The following HDAC9 variants were observed in gnomAD, a reference collection of about 807,000 sequenced individuals.
HDAC9 encodes MEF-2 interacting transcription repressor (MITR) protein.
HDAC9 carries 41 observed loss-of-function variants against 139.4 expected under a neutral mutation model. That is an observed-to-expected ratio of 0.29 (90% confidence interval 0.23 to 0.38). The LOEUF is 0.38. Ranked by LOEUF, HDAC9 falls within the 10% of genes least tolerant of loss-of-function variation. The probability of loss-of-function intolerance (pLI) is 1.00; values close to 1 mark genes in which losing one functional copy is unlikely to be tolerated. For synonymous variants in HDAC9, 517 were observed against 476.2 expected, an observed-to-expected ratio of 1.09 and a Z score of -1.12; for missense variants, 1,147 against 1,297.0, an observed-to-expected ratio of 0.88 and a Z score of 1.78.
chr7:18,192,374 T>C (rs2128151509), intron 2 of HDAC9, among the ~76,000 whole-genome samples: 1 of 152,290 alleles, frequency 6.6e-6, no homozygotes, highest in Non-Finnish European at 1.5e-5. Context: ...CACTTTGTTA[T>C]GGATAAAAGG....
upstream of HDAC9, among the ~76,000 whole-genome samples, chr7:18,490,918 G>A (rs1426385183): frequency 6.6e-6 from 1 of 152,004 alleles, no homozygotes; most frequent in Non-Finnish European, 1.5e-5. Flanking sequence ...CAATTGTAGA[G>A]CACAAATTCG....
chr7:18,810,979 C>T (rs1794128689), intron 17 of HDAC9, among the ~76,000 whole-genome samples: 1 of 151,740 alleles, frequency 6.6e-6, no homozygotes, highest in African/African-American at 2.4e-5. Context: ...ATTTTTATTT[C>T]ATGTGGGTAA....
chr7:18,879,567 CTCCCTATTCAATAAATGGTACTGAGA>C (rs1275234923), intron 22 of HDAC9, among the ~76,000 whole-genome samples: 2 of 152,010 alleles, frequency 1.3e-5, no homozygotes, highest in East Asian at 3.9e-4. Context: ...GGGGAGAAGA[CTCCCTATTCAATAAATGGTACTGAGA>C]TAACTCGCTA....
chr7:18,490,300 A>G (rs184580690), intron 1 of HDAC9, among the ~76,000 whole-genome samples: 2 of 152,132 alleles, frequency 1.3e-5, no homozygotes, highest in East Asian at 1.9e-4. Context: ...TTGCACTTCT[A>G]GCAAGTTCCC....
At chr7:18,634,576 C>A in intron 7 of HDAC9, 51 bp from the exon 8 acceptor site, 1 of 1,100,972 alleles carries the variant, frequency 9.1e-7, no homozygotes. Flanking sequence ...AACTAAAGTT[C>A]ATCTATGTAT....
intron 1 of HDAC9, among the ~76,000 whole-genome samples, chr7:18,124,303 G>C (rs1301856914): frequency 6.6e-6 from 1 of 152,162 alleles, no homozygotes; most frequent in Non-Finnish European, 1.5e-5. Context: ...CCTAGGGCAA[G>C]GGCAAGGTCA....
chr7:18,236,936 G>A (rs181691034), intron 2 of HDAC9, among the ~76,000 whole-genome samples: 50 of 152,238 alleles, frequency 3.3e-4, no homozygotes, highest in African/African-American at 2.4e-5. Context: ...TAGTGCTACC[G>A]ACTCATCCCA....
At chr7:18,979,981 G>A (rs1239042581) in intron 25 of HDAC9, among the ~76,000 whole-genome samples, 2 of 152,084 alleles carry the variant, frequency 1.3e-5, no homozygotes, top group Non-Finnish European at 2.9e-5. Context: ...TATATTAGCA[G>A]GCAAATTTTT....
At chr7:18,819,091 C>T (rs745779108) in intron 17 of HDAC9, among the ~76,000 whole-genome samples, 11 of 152,022 alleles carry the variant, frequency 7.2e-5, no homozygotes, top group Non-Finnish European at 1.3e-4. Context: ...ACCAGCCTGG[C>T]CAACATGGCA....
chr7:18,396,390 G>T (rs1388300429), intron 1 of HDAC9, among the ~76,000 whole-genome samples: 1 of 152,112 alleles, frequency 6.6e-6, no homozygotes, highest in Non-Finnish European at 1.5e-5. Flanking sequence ...AGGGTGGAGG[G>T]ATAGTATAGA....
intron 2 of HDAC9, among the ~76,000 whole-genome samples, chr7:18,205,097 T>C (rs1791403587): frequency 6.6e-6 from 1 of 151,964 alleles, no homozygotes; most frequent in South Asian, 2.1e-4. Flanking sequence ...GTATATGGCA[T>C]ACATTTTGAT....
At chr7:18,728,592 C>G (rs146277355) in intron 13 of HDAC9, among the ~76,000 whole-genome samples, 8 of 152,340 alleles carry the variant, frequency 5.3e-5, no homozygotes, top group Admixed American at 2.0e-4. Context: ...CTAAGAGACT[C>G]ATAACTTGGA....
chr7:18,911,726 A>T (rs1802758849), intron 22 of HDAC9, among the ~76,000 whole-genome samples: 1 of 151,490 alleles, frequency 6.6e-6, no homozygotes, highest in African/African-American at 2.4e-5. Context: ...GAATTTTTTA[A>T]ATTTCCTTTT....
At chr7:18,823,026 C>G (rs954125170) in intron 17 of HDAC9, among the ~76,000 whole-genome samples, 1 of 151,620 alleles carries the variant, frequency 6.6e-6, no homozygotes, top group African/African-American at 2.4e-5. Flanking sequence ...GTTTTTTATT[C>G]TGATGGAAAT....
intron 2 of HDAC9, chr7:18,502,629 T>C (rs1328693760): frequency 6.6e-6 from 1 of 152,232 alleles, no homozygotes; most frequent in Non-Finnish European, 1.5e-5. Context: ...TATATCTGTT[T>C]AAATACTAAT....
rs757689693 is a variant in HDAC9 at position 18,719,331 on chromosome 7, C to CTTTTTTTTTT, written c.1732-8232_1732-8223dup. ...CTAATTAACCTATTTTTTTCTCTTC[C>CTTTTTTTTTT]TTTTTTTTTTTTTTTTTTTTTTTTT... On this transcript the variant is annotated intron_variant, in intron 12 of 25. Coordinates refer to ENST00000686413, the MANE Select transcript of HDAC9 (RefSeq NM_178425.4). Among the ~76,000 whole-genome samples the CTTTTTTTTTT allele has an allele frequency of 1.2e-3, 89 of 73,912 alleles. 1 individual carries two copies. Among genetic ancestry groups the CTTTTTTTTTT allele is most frequent in the African/African-American group, 3.6e-3 (54 of 15,202 alleles). The allele number at this position is 73,912 out of a possible 152,430, so 48.5% of individuals were successfully genotyped here.
chr7:18,712,232 C>A (rs1015271766), intron 12 of HDAC9, among the ~76,000 whole-genome samples: 1 of 152,132 alleles, frequency 6.6e-6, no homozygotes. Flanking sequence ...AAGTTAAAAT[C>A]CCTAAAGATG....
intron 12 of HDAC9, among the ~76,000 whole-genome samples, chr7:18,689,367 T>C (rs758743033): frequency 9.2e-5 from 14 of 151,974 alleles, no homozygotes; most frequent in Non-Finnish European, 5.9e-5. Flanking sequence ...TTGGCTTTTC[T>C]AGTAGGATAT....
rs548048527 is a variant in HDAC9 at position 18,659,312 on chromosome 7, G to A, written c.1468-6901G>A. ...AAAGTGCTAACATATAAACATTAGT[G>A]ACAGTCTTTAATTATTATTTAGTGA... On this transcript the variant is annotated intron_variant, in intron 11 of 25. Transcript: ENST00000686413. Among the ~76,000 whole-genome samples, 93 of 152,212 alleles carry A rather than the reference G, an allele frequency of 6.1e-4. No individual in the cohort carries two copies. The South Asian group carries it at 0.018, about 30-fold the overall frequency.
Sources: gnomAD v4.1 joint callset for allele counts (sites outside exome capture counted in the v4.1 genomes callset) on GRCh38, gnomAD v4.1.1 for gene constraint, MANE v1.5 for transcripts, NCBI Gene and HGNC (gene_info 2026-07-23, HGNC 2026-07-21) for gene names.